Variants in ROBO1 observed in about 807,000 individuals in gnomAD.
The protein encoded by ROBO1 is roundabout guidance receptor 1, also known as roundabout homolog 1.
ROBO1 carries 149 observed loss-of-function variants against 195.9 expected under a neutral mutation model. The ratio of observed to expected loss-of-function variants is 0.76; its 90% confidence interval spans 0.67 to 0.87. The LOEUF (loss-of-function observed/expected upper bound fraction) is 0.87, where lower values mean the gene tolerates loss of function less well. Ranked by LOEUF, ROBO1 falls within the 40% of genes least tolerant of loss-of-function variation. ROBO1 has a pLI of 0.00. For synonymous variants in ROBO1, 816 were observed against 733.2 expected (o/e 1.11, Z -1.82); for missense variants, 1,933 against 2,068.3 (o/e 0.93, Z 1.27).
intron 1 of ROBO1, among the ~76,000 whole-genome samples, chr3:79,613,489 A>C (rs934138545): frequency 6.6e-6 from 1 of 152,118 alleles, no homozygotes; most frequent in African/African-American, 2.4e-5. Context: ...TAAGGGACAA[A>C]AGCTATAAAC....
chr3:78,658,615 C>A (rs376746831), intron 17 of ROBO1, among the ~76,000 whole-genome samples: 24 of 152,182 alleles, frequency 1.6e-4, no homozygotes, highest in African/African-American at 4.8e-4. Flanking sequence ...TGTTCTCAAG[C>A]AATATATACC....
chr3:78,643,753 T>C (rs1466131894), intron 21 of ROBO1, among the ~76,000 whole-genome samples: 2 of 152,030 alleles, frequency 1.3e-5, no homozygotes, highest in Admixed American at 6.6e-5. Flanking sequence ...GATCGTTCTG[T>C]CTCCAGTGAG....
intron 2 of ROBO1, among the ~76,000 whole-genome samples, chr3:79,258,645 C>T (rs1053917239): frequency 2.0e-5 from 3 of 152,064 alleles, no homozygotes; most frequent in Non-Finnish European, 4.4e-5. Context: ...AATTAATCAC[C>T]ACCTTGGCCT....
chr3:78,598,468 C>T lies in ROBO1; in HGVS notation c.*445G>A, dbSNP rs1399263617. On this transcript the variant is annotated 3_prime_UTR_variant, in exon 31 of 31. Coordinates refer to ENST00000464233, the MANE Select transcript of ROBO1 (RefSeq NM_002941.4). The stretch of plus-strand genomic sequence containing the variant: ...TGTTTTAATTTGCATTAGCAGTTGG[C>T]TATAGAAAGATTATACTTTGAGAGC... 1 of 153,890 alleles carries T rather than the reference C, an allele frequency of 6.5e-6. No homozygotes were observed. Among genetic ancestry groups the T allele is most frequent in the African/African-American group, 2.4e-5 (1 of 41,472 alleles). 9.5% of individuals were successfully genotyped at this position (153,890 alleles called of 1,614,324 possible). A position where few individuals can be genotyped will look rare whatever the true frequency, so the allele number is the denominator to read the frequency against.
At chr3:78,940,726 A>G (rs978447296) in intron 3 of ROBO1, among the ~76,000 whole-genome samples, 1 of 152,226 alleles carries the variant, frequency 6.6e-6, no homozygotes, top group Admixed American at 6.5e-5. Context: ...GATCAGAATT[A>G]CAATATATAA....
At chr3:79,269,217 G>C (rs1465016101) in intron 2 of ROBO1, among the ~76,000 whole-genome samples, 1 of 151,674 alleles carries the variant, frequency 6.6e-6, no homozygotes, top group Non-Finnish European at 1.5e-5. Context: ...GAAAATATGA[G>C]GGAAAATAAT....
At chr3:79,578,007 A>G (rs375776636) in intron 2 of ROBO1, among the ~76,000 whole-genome samples, 3 of 152,198 alleles carry the variant, frequency 2.0e-5, no homozygotes, top group East Asian at 3.9e-4. Flanking sequence ...AAGTCTGAAC[A>G]AATAAATACC....
chr3:79,330,493 G>A (rs1559822680), intron 2 of ROBO1, among the ~76,000 whole-genome samples: 1 of 151,062 alleles, frequency 6.6e-6, no homozygotes, highest in Admixed American at 6.6e-5. Context: ...TTTGTGATAT[G>A]TGAAAATTAT....
chr3:78,821,470 G>C (rs1265688187), intron 4 of ROBO1, among the ~76,000 whole-genome samples: 4 of 151,938 alleles, frequency 2.6e-5, no homozygotes, highest in Admixed American at 2.0e-4. Flanking sequence ...AGCCGATACT[G>C]ATGTTTTATC....
chr3:79,704,720 G>A (rs1947716296), intron 1 of ROBO1, among the ~76,000 whole-genome samples: 1 of 152,010 alleles, frequency 6.6e-6, no homozygotes, highest in South Asian at 2.1e-4. Context: ...GGGTCACTGT[G>A]TCATATAATA....
chr3:78,872,455 T>A (rs2107159683), intron 4 of ROBO1, among the ~76,000 whole-genome samples: 1 of 152,352 alleles, frequency 6.6e-6, no homozygotes, highest in East Asian at 1.9e-4. Context: ...GAATCTATTC[T>A]GGAATCCTAA....
rs1702920654 is a variant in ROBO1, at chr3:78,597,814, A to C, written c.*1099T>G. ...TACTTCACCATCTGTCATTATTCAA[A>C]TATTCCAAATACAAACATAGAGCAT... is the stretch of plus-strand genomic sequence containing the variant. On this transcript the variant is annotated 3_prime_UTR_variant, in exon 31 of 31. Coordinates refer to ENST00000464233, the MANE Select transcript of ROBO1 (RefSeq NM_002941.4). The C allele has an allele frequency of 1.3e-5, 2 of 152,684 alleles. No homozygotes were observed. Among genetic ancestry groups the C allele is most frequent in the South Asian group, 4.1e-4 (2 of 4,822 alleles). 9.5% of individuals were successfully genotyped at this position (152,684 alleles called of 1,614,324 possible).
intron 4 of ROBO1, among the ~76,000 whole-genome samples, chr3:78,864,466 C>G (rs2035041066): frequency 6.7e-6 from 1 of 149,968 alleles, no homozygotes; most frequent in Non-Finnish European, 1.5e-5. Flanking sequence ...ATATATTTTT[C>G]AGACACAAAA....
intron 2 of ROBO1, among the ~76,000 whole-genome samples, chr3:79,140,449 G>A (rs9877474): frequency 0.73 from 111,393 of 151,876 alleles, 40,987 homozygotes; most frequent in African/African-American, 0.8. Flanking sequence ...TTATTGATTG[G>A]CCTCAGTTTC....
chr3:79,333,956 T>C (rs1307944396), intron 2 of ROBO1, among the ~76,000 whole-genome samples: 1 of 152,138 alleles, frequency 6.6e-6, no homozygotes, highest in African/African-American at 2.4e-5. Flanking sequence ...CAAAACTCTC[T>C]TTTACGTTCT....
rs61662697 is a variant in ROBO1, at chr3:79,550,202, A to AAAGAAAGAAAGAAAGGAAAG, written c.88+39621_88+39622insCTTTCCTTTCTTTCTTTCTT. ...AAGAAAGAAAGAAAGAAAGGAAAAG[A>AAAGAAAGAAAGAAAGGAAAG]AAAGAAAAGAAAAGAAAAGAAAAGA... On this transcript the variant is annotated intron_variant, in intron 2 of 30. Transcript: ENST00000464233. 1.3e-4 allele frequency among the ~76,000 whole-genome samples: 13 copies of AAAGAAAGAAAGAAAGGAAAG among 103,132 alleles called. No individual in the cohort carries two copies. The South Asian group carries it at 1.4e-3, about 11-fold the overall frequency. The allele number at this position is 103,132 out of a possible 152,430, so 67.7% of individuals were successfully genotyped here. A position where few individuals can be genotyped will look rare whatever the true frequency, so the allele number is the denominator to read the frequency against.
At chr3:79,295,488 C>G (rs916093435) in intron 2 of ROBO1, among the ~76,000 whole-genome samples, 7 of 152,042 alleles carry the variant, frequency 4.6e-5, no homozygotes, top group African/African-American at 1.7e-4. Context: ...AGGAGAAATA[C>G]CTAAGGTAGG....
intron 2 of ROBO1, among the ~76,000 whole-genome samples, chr3:79,287,804 A>G (rs968612634): frequency 3.3e-5 from 5 of 152,186 alleles, no homozygotes; most frequent in Non-Finnish European, 5.9e-5. Context: ...TGATTTTGAT[A>G]CAAATGTTTC....
At chr3:78,948,098 A>G (rs539709477) in intron 3 of ROBO1, among the ~76,000 whole-genome samples, 4,191 of 151,630 alleles carry the variant, frequency 0.028, 204 homozygotes, top group African/African-American at 0.097. Context: ...AGAGGTAGAA[A>G]AAGGAGCTGG....
Sources: allele counts gnomAD v4.1 joint callset (sites outside exome capture counted in the v4.1 genomes callset), GRCh38; gene constraint gnomAD v4.1.1; transcripts MANE v1.5; gene names NCBI Gene and HGNC (gene_info 2026-07-23, HGNC 2026-07-21).